ITGA9: variants seen among roughly 807,000 people sequenced by gnomAD.
ITGA9 encodes the protein integrin subunit alpha 9.
ITGA9 carries 56 observed loss-of-function variants against 127.8 expected under a neutral mutation model. The ratio of observed to expected loss-of-function variants is 0.44; its 90% CI spans 0.35 to 0.55. The LOEUF is 0.55. Among genes scored for constraint, ITGA9 ranks in the 20% least tolerant of loss-of-function variants. ITGA9 has a pLI of 0.00. For synonymous variants in ITGA9, 508 were observed against 514.5 expected, an observed-to-expected ratio of 0.99 and a Z score of 0.17; for missense variants, 1,196 against 1,347.1, an observed-to-expected ratio of 0.89 and a Z score of 1.76.
intron 18 of ITGA9, among the ~76,000 whole-genome samples, chr3:37,707,836 T>G (rs1221863106): frequency 1.3e-5 from 2 of 152,086 alleles, no homozygotes; most frequent in Non-Finnish European, 2.9e-5. Flanking sequence ...TCTTAGAAAG[T>G]GGTGTGTGGA....
intron 17 of ITGA9, among the ~76,000 whole-genome samples, chr3:37,678,412 A>G (rs1479693433): frequency 6.6e-6 from 1 of 152,200 alleles, no homozygotes; most frequent in Non-Finnish European, 1.5e-5. Context: ...TAACAGATGG[A>G]TAAACAACTA....
chr3:37,529,849 G>A (rs767745969), intron 13 of ITGA9, among the ~76,000 whole-genome samples: 2 of 152,202 alleles, frequency 1.3e-5, no homozygotes, highest in Non-Finnish European at 2.9e-5. Flanking sequence ...GGCTGGGGGC[G>A]AGGGGCCCTC....
At chr3:37,715,634 T>C (rs571956707) in intron 18 of ITGA9, among the ~76,000 whole-genome samples, 60 of 152,322 alleles carry the variant, frequency 3.9e-4, no homozygotes, top group African/African-American at 1.4e-3. Context: ...CAATATGTAG[T>C]CACATAAGTC....
At chr3:37,810,960 C>T (rs1282607752) in intron 27 of ITGA9, among the ~76,000 whole-genome samples, 1 of 152,206 alleles carries the variant, frequency 6.6e-6, no homozygotes, top group East Asian at 1.9e-4. Context: ...TGCCTCTGAC[C>T]CTGTGCAGCT....
chr3:37,511,964 CTTTCTTTTCTTTTCTTTTCTTTTCT>C lies in ITGA9; in HGVS notation c.898-1756_898-1732del, dbSNP rs530231188. Reference sequence around the variant, plus strand: ...ATTTTAAAAGAATAATGCTTTTTCTCTTTCTTTTCTTTTCTTTTCTTTTCTTTTCTTTTCTTTTCTTTTCTTTTCT... The same window carrying C: ...ATTTTAAAAGAATAATGCTTTTTCTCTTTCTTTTCTTTTCTTTTCTTTTCT... On this transcript the variant is annotated intron_variant, in intron 8 of 27. Transcript: ENST00000264741. Among the ~76,000 whole-genome samples the C allele has an allele frequency of 1.5e-3, 133 of 88,186 alleles. 8 individuals are homozygous for C. The highest frequency in any genetic ancestry group is 2.3e-3 in the African/African-American group (51 of 21,812). 57.9% of individuals were successfully genotyped at this position (88,186 alleles called of 152,430 possible).
intron 21 of ITGA9, among the ~76,000 whole-genome samples, chr3:37,742,908 AC>A (rs1337577771): frequency 6.6e-6 from 1 of 152,134 alleles, no homozygotes; most frequent in African/African-American, 2.4e-5. Context: ...TCTATTTTTA[AC>A]TGTATCATTT....
At chr3:37,542,347 C>A in intron 14 of ITGA9, 78 bp from the exon 15 acceptor site, 1 of 1,479,856 alleles carries the variant, frequency 6.8e-7, no homozygotes, top group Non-Finnish European at 9.4e-7. Flanking sequence ...TGCATGTGAT[C>A]CTGTGACAAG....
intron 26 of ITGA9, among the ~76,000 whole-genome samples, chr3:37,797,669 T>A (rs1452466620): frequency 6.6e-6 from 1 of 152,208 alleles, no homozygotes; most frequent in African/African-American, 2.4e-5. Flanking sequence ...CTTTAAAGGG[T>A]TCCTACTGTA....
intron 15 of ITGA9, among the ~76,000 whole-genome samples, chr3:37,613,298 A>C (rs1358219198): frequency 1.3e-5 from 2 of 152,100 alleles, no homozygotes; most frequent in South Asian, 2.1e-4. Context: ...TGAAGTCATC[A>C]TTTTTTATGG....
chr3:37,525,338 TAATG>T (rs762361174), intron 12 of ITGA9, among the ~76,000 whole-genome samples: 3 of 152,320 alleles, frequency 2.0e-5, no homozygotes, highest in African/African-American at 4.8e-5. Flanking sequence ...AGTGGGTACT[TAATG>T]AATATTATAT....
At chr3:37,736,654 G>A (rs1358332440) in intron 19 of ITGA9, among the ~76,000 whole-genome samples, 3 of 152,248 alleles carry the variant, frequency 2.0e-5, no homozygotes, top group African/African-American at 4.8e-5. Context: ...GTTAAAGAGT[G>A]TAAACGCATC....
intron 15 of ITGA9, among the ~76,000 whole-genome samples, chr3:37,619,218 A>G (rs1700104701): frequency 6.6e-6 from 1 of 152,170 alleles, no homozygotes; most frequent in Non-Finnish European, 1.5e-5. Flanking sequence ...TCCACTACTG[A>G]TATGGATCTG....
intron 15 of ITGA9, among the ~76,000 whole-genome samples, chr3:37,615,488 A>G (rs2125628203): frequency 6.6e-6 from 1 of 152,274 alleles, no homozygotes; most frequent in Non-Finnish European, 1.5e-5. Flanking sequence ...CATAAAATGA[A>G]TTGGGGAGGA....
chr3:37,669,322 A>G (rs997535760), intron 17 of ITGA9, among the ~76,000 whole-genome samples: 11 of 152,108 alleles, frequency 7.2e-5, no homozygotes, highest in Non-Finnish European at 1.6e-4. Context: ...TGGGGTGTGG[A>G]TTAACTCCCT....
chr3:37,525,956 C>T (rs1699088665), intron 12 of ITGA9, 70 bp from the exon 13 acceptor site: 5 of 1,292,088 alleles, frequency 3.9e-6, no homozygotes, highest in Non-Finnish European at 3.4e-6. Flanking sequence ...TCCTTGTGAG[C>T]GCATTCCCAG....
At chr3:37,742,059 C>T (rs550896237) in intron 21 of ITGA9, among the ~76,000 whole-genome samples, 1 of 152,348 alleles carries the variant, frequency 6.6e-6, no homozygotes, top group South Asian at 2.1e-4. Context: ...AGTTTGATGA[C>T]AAGTTTAAGC....
intron 16 of ITGA9, among the ~76,000 whole-genome samples, chr3:37,638,631 A>T (rs973405316): frequency 1.3e-5 from 2 of 151,836 alleles, no homozygotes; most frequent in Non-Finnish European, 2.9e-5. Flanking sequence ...ATTCATCAGA[A>T]CTCTCTAGGT....
intron 5 of ITGA9, among the ~76,000 whole-genome samples, chr3:37,497,149 TTTG>T (rs964054161): frequency 3.3e-4 from 50 of 152,310 alleles, no homozygotes; most frequent in South Asian, 1.5e-3. Flanking sequence ...ATTATTCTGT[TTTG>T]TTGTTGTTGT....
At chr3:37,544,011 G>A (rs9812556) in intron 15 of ITGA9, among the ~76,000 whole-genome samples, 6,152 of 152,324 alleles carry the variant, frequency 0.04, 404 homozygotes, top group African/African-American at 0.14. Flanking sequence ...CGCAGTACAG[G>A]CTCGTATGCA....
Sources: allele counts gnomAD v4.1 joint callset (sites outside exome capture counted in the v4.1 genomes callset), GRCh38; gene constraint gnomAD v4.1.1; transcripts MANE v1.5; gene names NCBI Gene and HGNC (gene_info 2026-07-23, HGNC 2026-07-21).